The following FANK1 variants were observed in gnomAD, a reference collection of about 807,000 sequenced individuals.
The protein encoded by FANK1 is fibronectin type 3 and ankyrin repeat domains protein 1.
FANK1 carries 44 observed loss-of-function variants against 45.3 expected under a neutral mutation model. The observed-to-expected ratio is 0.97, with a 90% CI of 0.76 to 1.25. FANK1 has a LOEUF of 1.25. FANK1 is among the 50% of genes most tolerant of loss of function. The pLI, the probability that FANK1 is intolerant of heterozygous loss-of-function variation, is 0.00. For missense variants in FANK1, 391 were observed against 424.4 expected, an observed-to-expected ratio of 0.92 and a Z score of 0.69; for synonymous variants, 149 against 152.5, an observed-to-expected ratio of 0.98 and a Z score of 0.17.
In FANK1 at chr10:125,938,822, C is replaced by G. The variant is rs1948268276; in HGVS notation, c.14-41339C>G. On this transcript the variant is annotated intron_variant, in intron 1 of 10. Coordinates refer to ENST00000368693, the MANE Select transcript of FANK1 (RefSeq NM_145235.5). Reference sequence around the variant, plus strand: ...ACTCTGTCTCAAAAAACAAACACCCCCCTGCCAAAACTCTAGGGAGTGGTA... The same window carrying G: ...ACTCTGTCTCAAAAAACAAACACCCGCCTGCCAAAACTCTAGGGAGTGGTA... Among the ~76,000 whole-genome samples, 5 of 152,064 alleles carry G rather than the reference C, an allele frequency of 3.3e-5. No homozygotes were observed. In the South Asian group the frequency reaches 1.0e-3, roughly 32 times the overall value.
At chr10:126,008,067 T>TA (rs942697378) in intron 7 of FANK1, among the ~76,000 whole-genome samples, 11 of 152,252 alleles carry the variant, frequency 7.2e-5, no homozygotes, top group Middle Eastern at 3.4e-3. Context: ...TAAAGCTGCT[T>TA]ACAACAATAC....
chr10:125,909,985 G>A (rs1275477787), intron 1 of FANK1, among the ~76,000 whole-genome samples: 1 of 151,702 alleles, frequency 6.6e-6, no homozygotes, highest in Non-Finnish European at 1.5e-5. Flanking sequence ...CATCTTAAAT[G>A]TACAGGTGGA....
intron 1 of FANK1, among the ~76,000 whole-genome samples, chr10:125,961,329 G>C (rs1336371511): frequency 6.6e-6 from 1 of 151,846 alleles, no homozygotes; most frequent in East Asian, 2.0e-4. Context: ...GGCTGGTCTT[G>C]AAACCCCTGG....
chr10:125,985,950 C>T (rs1336675548), intron 2 of FANK1, among the ~76,000 whole-genome samples: 3 of 152,148 alleles, frequency 2.0e-5, no homozygotes, highest in African/African-American at 7.2e-5. Flanking sequence ...CTTCTCCTCC[C>T]TGCTTCCAAG....
intron 1 of FANK1, among the ~76,000 whole-genome samples, chr10:125,952,800 T>TACACACACAC (rs57356060): frequency 3.4e-5 from 4 of 117,756 alleles, no homozygotes; most frequent in Admixed American, 8.6e-5. Context: ...AGGAAATACA[T>TACACACACAC]ACACACACAC....
intron 1 of FANK1, among the ~76,000 whole-genome samples, chr10:125,949,702 C>T (rs1235027735): frequency 6.8e-6 from 1 of 147,092 alleles, no homozygotes; most frequent in East Asian, 2.1e-4. Flanking sequence ...AGGTAATTTA[C>T]AGATTCAATG....
chr10:125,935,677 A>G (rs900145410), intron 1 of FANK1, among the ~76,000 whole-genome samples: 3 of 152,132 alleles, frequency 2.0e-5, no homozygotes, highest in Non-Finnish European at 4.4e-5. Context: ...CACAAATGTC[A>G]TAACATTTGA....
chr10:125,980,606 C>T (rs1951139838), intron 2 of FANK1: 2 of 375,988 alleles, frequency 5.3e-6, no homozygotes, highest in East Asian at 5.6e-5. Context: ...GAGACAGACT[C>T]AAACAATAGC....
chr10:125,954,390 T>C (rs535656914), intron 1 of FANK1, among the ~76,000 whole-genome samples: 3 of 152,220 alleles, frequency 2.0e-5, no homozygotes, highest in Non-Finnish European at 2.9e-5. Context: ...ATCTAACAGA[T>C]TGTAGATCCC....
chr10:125,994,603 G>C, intron 3 of FANK1: 2 of 985,380 alleles, frequency 2.0e-6, no homozygotes, highest in Non-Finnish European at 1.2e-6. Context: ...TGCTTCATTG[G>C]TGTTATTTCA....
chr10:126,004,706 A>T (rs1312494364), intron 6 of FANK1, 178 bp from the exon 7 acceptor site: 1 of 597,766 alleles, frequency 1.7e-6, no homozygotes, highest in East Asian at 2.8e-5. Context: ...ATTCCATTGT[A>T]TGGATATACC....
At chr10:125,897,820 T>C (rs1944678398) in intron 1 of FANK1, among the ~76,000 whole-genome samples, 1 of 152,122 alleles carries the variant, frequency 6.6e-6, no homozygotes, top group Admixed American at 6.5e-5. Flanking sequence ...GCAGGCTGTG[T>C]ATATTCCCGC....
intron 6 of FANK1, among the ~76,000 whole-genome samples, chr10:125,999,770 T>C (rs1438653568): frequency 5.3e-5 from 8 of 152,206 alleles, no homozygotes; most frequent in African/African-American, 1.7e-4. Flanking sequence ...TGTAGGCATT[T>C]AATGAGTTAA....
chr10:125,926,199 C>T (rs1260555078), intron 1 of FANK1, among the ~76,000 whole-genome samples: 1 of 152,114 alleles, frequency 6.6e-6, no homozygotes, highest in African/African-American at 2.4e-5. Flanking sequence ...ATTGCAGATT[C>T]ACAGGCGGTT....
chr10:125,999,606 C>T (rs1447386205), intron 6 of FANK1, among the ~76,000 whole-genome samples: 1 of 151,946 alleles, frequency 6.6e-6, no homozygotes, highest in African/African-American at 2.4e-5. Flanking sequence ...AATTCCTTTC[C>T]AAAATTAGTA....
intron 1 of FANK1, among the ~76,000 whole-genome samples, chr10:125,920,932 G>C (rs1326672612): frequency 1.3e-5 from 2 of 152,150 alleles, no homozygotes; most frequent in African/African-American, 4.8e-5. Context: ...TTGTATTTTT[G>C]CTGGCCTTCT....
chr10:125,912,782 T>A (rs1290409398), intron 1 of FANK1, among the ~76,000 whole-genome samples: 1 of 152,080 alleles, frequency 6.6e-6, no homozygotes, highest in Non-Finnish European at 1.5e-5. Context: ...GGATTACAGG[T>A]GCCCACCACC....
At chr10:125,911,696 G>A (rs1946025792) in intron 1 of FANK1, among the ~76,000 whole-genome samples, 2 of 152,176 alleles carry the variant, frequency 1.3e-5, no homozygotes, top group Admixed American at 6.5e-5. Flanking sequence ...AACTCAATGT[G>A]TTACCAAACT....
intron 1 of FANK1, among the ~76,000 whole-genome samples, chr10:125,937,847 G>A (rs768184492): frequency 1.3e-5 from 2 of 152,238 alleles, no homozygotes; most frequent in South Asian, 2.1e-4. Context: ...GTGAGGGAAC[G>A]GGGCTTAAAG....
Sources: allele counts gnomAD v4.1 joint callset (sites outside exome capture counted in the v4.1 genomes callset), GRCh38; gene constraint gnomAD v4.1.1; transcripts MANE v1.5; gene names NCBI Gene and HGNC (gene_info 2026-07-23, HGNC 2026-07-21).